GPR83: variants seen among roughly 807,000 people sequenced by gnomAD.
GPR83 encodes G protein-coupled receptor 83, also known as G-protein coupled receptor 72.
In GPR83, 23 loss-of-function variants were observed where a neutral mutation model predicts 28.0. The observed-to-expected ratio is 0.82, with a 90% CI of 0.59 to 1.16. The LOEUF (loss-of-function observed/expected upper bound fraction) is 1.16, where lower values mean the gene tolerates loss of function less well. GPR83 is among the 50% of genes most tolerant of loss of function. GPR83 has a pLI of 0.00. For synonymous variants in GPR83, 234 were observed against 215.4 expected (o/e 1.09, Z -0.76); for missense variants, 610 against 536.6 (o/e 1.14, Z -1.35).
intron 3 of GPR83, among the ~76,000 whole-genome samples, chr11:94,384,916 C>T (rs769346066): frequency 3.3e-5 from 5 of 152,314 alleles, no homozygotes; most frequent in Non-Finnish European, 4.4e-5. Context: ...GGGTCCTTGA[C>T]CCCCGAGTAG....
intron 1 of GPR83, among the ~76,000 whole-genome samples, chr11:94,400,398 T>C (rs1294219040): frequency 6.9e-6 from 1 of 144,204 alleles, no homozygotes; most frequent in Non-Finnish European, 1.5e-5. Context: ...AATCAGAGAG[T>C]GAGGCAGGGG....
intron 3 of GPR83, among the ~76,000 whole-genome samples, chr11:94,382,180 G>A (rs898662505): frequency 2.6e-5 from 4 of 151,866 alleles, no homozygotes; most frequent in Non-Finnish European, 5.9e-5. Context: ...TGGAGAAACC[G>A]TGTTTCTACT....
At chr11:94,388,159 G>C (rs889118335) in intron 3 of GPR83, among the ~76,000 whole-genome samples, 2 of 152,160 alleles carry the variant, frequency 1.3e-5, no homozygotes, top group African/African-American at 4.8e-5. Context: ...ATTAGGTATT[G>C]ATGGGACGTA....
chr11:94,385,979 A>G (rs1423099833), intron 3 of GPR83, among the ~76,000 whole-genome samples: 3 of 152,254 alleles, frequency 2.0e-5, no homozygotes, highest in Non-Finnish European at 4.4e-5. Context: ...AGGGAAGCCC[A>G]TCAGACTAAC....
chr11:94,400,554 A>AAC (rs560320047), intron 1 of GPR83, among the ~76,000 whole-genome samples: 1 of 151,884 alleles, frequency 6.6e-6, no homozygotes, highest in East Asian at 1.9e-4. Flanking sequence ...GACAAAAAAA[A>AAC]AAAAAAAGAT....
In GPR83 at chr11:94,377,890, A is replaced by G. The variant is rs1944638240; in HGVS notation, c.*2259T>C. 6.6e-6 allele frequency: 1 copy of G among 152,232 alleles called. No homozygotes were observed. Among genetic ancestry groups the G allele is most frequent in the African/African-American group, 2.4e-5 (1 of 41,464 alleles). 9.4% of individuals were successfully genotyped at this position (152,232 alleles called of 1,614,324 possible). ...GAGATGTAAGTCAAGGAGCTTCTGT[A>G]TTCCTAGACACCCTCAGAGAGGAGT... is the stretch of plus-strand genomic sequence containing the variant. On this transcript the variant is annotated 3_prime_UTR_variant, in exon 4 of 4. Transcript: ENST00000243673.
chr11:94,380,122 C>T lies in GPR83; in HGVS notation c.*27G>A. On this transcript the variant is annotated 3_prime_UTR_variant, in exon 4 of 4. Coordinates refer to ENST00000243673, the MANE Select transcript of GPR83 (RefSeq NM_016540.4). ...TCCCTGCCTCAGGTGGAGACAGACC[C>T]CTCCCACTCCCTCTTCCCAACCTCT... 17 of 1,493,212 alleles carry T rather than the reference C, an allele frequency of 1.1e-5. No homozygotes were observed. Among genetic ancestry groups the T allele is most frequent in the Non-Finnish European group, 1.5e-5 (17 of 1,119,088 alleles). The allele number at this position is 1,493,212 out of a possible 1,614,324, so 92.5% of individuals were successfully genotyped here. A position where few individuals can be genotyped will look rare whatever the true frequency, so the allele number is the denominator to read the frequency against.
rs3740868 is a variant in GPR83, at chr11:94,380,300, G to T, written c.1121C>A (p.Pro374Gln). The T allele has an allele frequency of 0.1, 159,782 of 1,601,220 alleles. 8,728 individuals carry two copies. Among genetic ancestry groups the T allele is most frequent in the South Asian group, 0.19 (16,691 of 88,658 alleles). The change falls in exon 4 of 4, where the codon CCA becomes CAA. Residue 374 changes from proline (P) to glutamine (Q), a missense_variant. Transcript: ENST00000243673. ...QRPPKPQEDR[P>Q]PSPVPSFRVA... ...CCTGAAGGAAGGAACTGGGGAGGGT[G>T]GCCTGTCCTCCTGAGGCTTGGGAGG...
intron 3 of GPR83, among the ~76,000 whole-genome samples, chr11:94,381,958 C>T (rs1944694669): frequency 6.6e-6 from 1 of 152,122 alleles, no homozygotes; most frequent in South Asian, 2.1e-4. Context: ...CCAGCCTCTG[C>T]CACTCTCTTT....
intron 3 of GPR83, among the ~76,000 whole-genome samples, chr11:94,386,893 T>C (rs1944762706): frequency 6.6e-6 from 1 of 152,208 alleles, no homozygotes; most frequent in Non-Finnish European, 1.5e-5. Flanking sequence ...AGCACCACAG[T>C]GCACTTATTC....
rs966231075 is a variant in GPR83, at chr11:94,378,018, T to A, written c.*2131A>T. ...CAGAATTTCTATGGCAGCTTTCAGA[T>A]GAAACCATTAGCTACTTCTTGACAC... On this transcript the variant is annotated 3_prime_UTR_variant, in exon 4 of 4. Coordinates refer to ENST00000243673, the MANE Select transcript of GPR83 (RefSeq NM_016540.4). 2.6e-5 allele frequency: 4 copies of A among 152,158 alleles called. No individual in the cohort carries two copies. The highest frequency in any genetic ancestry group is 4.4e-5 in the Non-Finnish European group (3 of 68,022). 9.4% of individuals were successfully genotyped at this position (152,158 alleles called of 1,614,324 possible). A position where few individuals can be genotyped will look rare whatever the true frequency, so the allele number is the denominator to read the frequency against.
chr11:94,393,564 T>A lies in GPR83; in HGVS notation c.568A>T (p.Ile190Phe). 1 of 1,613,890 alleles carries A rather than the reference T, an allele frequency of 6.2e-7. No homozygotes were observed. The highest frequency in any genetic ancestry group is 8.5e-7 in the Non-Finnish European group (1 of 1,179,750). ...RISITKGVIY[I>F]AVIWTMATFF... ...GTAGCCATGGTCCAGATGACAGCGATGTAGATGACACCCTTTGTGATTGAG... is the reference window on the plus strand; with the variant it reads ...GTAGCCATGGTCCAGATGACAGCGAAGTAGATGACACCCTTTGTGATTGAG... Residue 190 changes from isoleucine (I) to phenylalanine (F), a missense_variant, in exon 3 of 4, where the codon ATC becomes TTC. Physicochemically the swap from Ile to Phe is conservative, Grantham distance 21. Transcript: ENST00000243673.
At chr11:94,381,186 ATCTTGAGCATATGAGTGGTAAAGCC>A (rs1944683130) in intron 3 of GPR83, among the ~76,000 whole-genome samples, 1 of 152,230 alleles carries the variant, frequency 6.6e-6, no homozygotes, top group Admixed American at 6.5e-5. Flanking sequence ...GAAATGATGG[ATCTTGAGCATATGAGTGGTAAAGCC>A]TGAACTAACA....
Position 94,377,444 on chromosome 11 carries a change from C to T in GPR83, c.*2705G>A, listed in dbSNP as rs1385793067. 1 of 152,196 alleles carries T rather than the reference C, an allele frequency of 6.6e-6. No individual in the cohort carries two copies. Among genetic ancestry groups the T allele is most frequent in the African/African-American group, 2.4e-5 (1 of 41,444 alleles). 9.4% of individuals were successfully genotyped at this position (152,196 alleles called of 1,614,324 possible). On this transcript the variant is annotated 3_prime_UTR_variant, in exon 4 of 4. Coordinates refer to ENST00000243673, the MANE Select transcript of GPR83 (RefSeq NM_016540.4). ...AGAAGTCACTTTTTGCTCAAAGTCA[C>T]ACACGGACCTCGGGGAAGGGACAGA... is the stretch of plus-strand genomic sequence containing the variant.
intron 3 of GPR83, among the ~76,000 whole-genome samples, chr11:94,389,413 G>T (rs1591604908): frequency 6.6e-6 from 1 of 152,248 alleles, no homozygotes; most frequent in East Asian, 1.9e-4. Flanking sequence ...GAAAATTTTT[G>T]CAATCTACTC....
intron 3 of GPR83, among the ~76,000 whole-genome samples, chr11:94,383,561 A>C (rs1448827030): frequency 6.6e-6 from 1 of 152,168 alleles, no homozygotes; most frequent in African/African-American, 2.4e-5. Flanking sequence ...TTTTTTGAAA[A>C]GATCAACAAA....
chr11:94,383,612 G>A (rs1306194057), intron 3 of GPR83, among the ~76,000 whole-genome samples: 1 of 152,014 alleles, frequency 6.6e-6, no homozygotes, highest in Non-Finnish European at 1.5e-5. Context: ...AGAAAAGAGA[G>A]AAGAATCGAA....
rs1565182805 is a variant in GPR83, at chr11:94,380,092, C to G, written c.*57G>C. The G allele has an allele frequency of 2.2e-6, 3 of 1,379,498 alleles. No homozygotes were observed. In the East Asian group the frequency reaches 7.0e-5, roughly 32 times the overall value. The allele number at this position is 1,379,498 out of a possible 1,614,324, so 85.5% of individuals were successfully genotyped here. On this transcript the variant is annotated 3_prime_UTR_variant, in exon 4 of 4. Transcript: ENST00000243673. ...TGAAGATCATGTGTGAGAATAGGCT[C>G]TCTTTCCCTGCCTCAGGTGGAGACA...
rs1053235475 is a variant in GPR83 at position 94,377,594 on chromosome 11, A to G, written c.*2555T>C. ...TTTTAAAAATTTTATGATGATGGGA[A>G]AGCAATACACATTCAGTAGAAACCA... On this transcript the variant is annotated 3_prime_UTR_variant, in exon 4 of 4. Transcript: ENST00000243673. 1.3e-5 allele frequency: 2 copies of G among 152,206 alleles called. No individual in the cohort carries two copies. Among genetic ancestry groups the G allele is most frequent in the Non-Finnish European group, 2.9e-5 (2 of 68,032 alleles). The allele number at this position is 152,206 out of a possible 1,614,324, so 9.4% of individuals were successfully genotyped here. A position where few individuals can be genotyped will look rare whatever the true frequency, so the allele number is the denominator to read the frequency against.
Sources: gnomAD v4.1 joint callset for allele counts (sites outside exome capture counted in the v4.1 genomes callset) on GRCh38, gnomAD v4.1.1 for gene constraint, MANE v1.5 for transcripts, NCBI Gene and HGNC (gene_info 2026-07-23, HGNC 2026-07-21) for gene names.